The following FXYD5 variants were observed in gnomAD, a reference collection of about 807,000 sequenced individuals.
FXYD5 encodes FXYD domain containing ion transport regulator 5, also known as FXYD domain-containing ion transport regulator 5.
In FXYD5, 21 loss-of-function variants were observed where a neutral mutation model predicts 25.7. The observed-to-expected ratio is 0.82, with a 90% CI of 0.58 to 1.18. FXYD5 has a LOEUF of 1.18. Among genes scored for constraint, FXYD5 ranks in the 50% most tolerant of loss-of-function variants. The pLI, the probability that FXYD5 is intolerant of heterozygous loss-of-function variation, is 0.00. For synonymous variants in FXYD5, 101 were observed against 90.7 expected, an observed-to-expected ratio of 1.11 and a Z score of -0.64; for missense variants, 229 against 227.7, an observed-to-expected ratio of 1.01 and a Z score of -0.04.
intron 3 of FXYD5, 112 bp from the exon 4 acceptor site, chr19:35,158,231 AT>A: frequency 2.7e-6 from 2 of 738,846 alleles, no homozygotes; most frequent in South Asian, 2.9e-5. Context: ...AGCCATTTCT[AT>A]TACATTAAAG....
rs116751970 is a variant in FXYD5, at chr19:35,157,621, C to T, written c.142+120C>T. 8.1e-4 allele frequency: 497 copies of T among 611,746 alleles called. 1 individual carries two copies. In the African/African-American group the frequency reaches 8.4e-3, roughly 10 times the overall value. 37.9% of individuals were successfully genotyped at this position (611,746 alleles called of 1,614,324 possible). On this transcript the variant is annotated intron_variant, in intron 3 of 8. Transcript: ENST00000392219. Reference sequence around the variant, plus strand: ...TTTATGTAACGAAAAAGTCCAGGTACAGACCTTCAGGCATGGCTTGATCTA... The same window carrying T: ...TTTATGTAACGAAAAAGTCCAGGTATAGACCTTCAGGCATGGCTTGATCTA...
In FXYD5 at chr19:35,157,487, C is replaced by G. The variant is rs763008970; in HGVS notation, c.128C>G (p.Pro43Arg). Reference sequence around the variant, plus strand: ...TCAACTATCATGGACATTCAGGTCCCGACACGAGCCCCAGGTGAGGAAAGG... The same window carrying G: ...TCAACTATCATGGACATTCAGGTCCGGACACGAGCCCCAGGTGAGGAAAGG... ...ADSTIMDIQV[P>R]TRAPDAVYTE... The change falls in exon 3 of 9, where the codon CCG (proline) becomes CGG (arginine). Residue 43 changes from proline (P) to arginine (R), a missense_variant. Transcript: ENST00000392219. The G allele has an allele frequency of 6.5e-7, 1 of 1,545,184 alleles. No individual in the cohort carries two copies. The highest frequency in any genetic ancestry group is 8.9e-7 in the Non-Finnish European group (1 of 1,117,974).
At chr19:35,155,201 C>G in intron 1 of FXYD5, 1 of 361,274 alleles carries the variant, frequency 2.8e-6, no homozygotes, top group Non-Finnish European at 5.1e-6. Context: ...TGCCCCAGTC[C>G]CCTCCTTGCG....
chr19:35,168,546 C>G (rs901455661), intron 8 of FXYD5, among the ~76,000 whole-genome samples: 2 of 152,074 alleles, frequency 1.3e-5, no homozygotes, highest in Non-Finnish European at 2.9e-5. Context: ...GAGGAGAAGA[C>G]GAGGCCAGAG....
intron 4 of FXYD5, 22 bp downstream of exon 4, chr19:35,158,422 G>A (rs891800872): frequency 9.8e-6 from 14 of 1,423,986 alleles, no homozygotes; most frequent in Admixed American, 1.7e-5. Flanking sequence ...AGGGGCAGGC[G>A]GCGGGGACAG....
intron 5 of FXYD5, among the ~76,000 whole-genome samples, chr19:35,161,394 C>G (rs560535768): frequency 1.3e-5 from 2 of 152,320 alleles, no homozygotes; most frequent in African/African-American, 4.8e-5. Context: ...CTTCTCCCCT[C>G]TTGATGGCAG....
Position 35,169,565 on chromosome 19 carries a change from G to T in FXYD5, c.488-1G>T. ...GACTGAATCATTTCCTTCACCCACA[G>T]GTGGCAAGTGCAGGCAGCTGTCCCG... On this transcript the variant is annotated splice_acceptor_variant, in intron 8 of 8. Coordinates refer to ENST00000392219, the MANE Select transcript of FXYD5 (RefSeq NM_014164.6). LOFTEE classifies it high-confidence loss of function. The T allele has an allele frequency of 6.2e-7, 1 of 1,606,330 alleles. No homozygotes were observed.
chr19:35,159,846 C>G, intron 4 of FXYD5: 1 of 591,024 alleles, frequency 1.7e-6, no homozygotes, highest in Non-Finnish European at 2.8e-6. Context: ...GAATCTGGCA[C>G]CAGAGCCTGT....
intron 2 of FXYD5, 86 bp downstream of exon 2, chr19:35,155,697 GTGTGAACGT>G: frequency 1.1e-6 from 1 of 939,728 alleles, no homozygotes; most frequent in Non-Finnish European, 1.7e-6. Flanking sequence ...TGGTTGGCCC[GTGTGAACGT>G]TGTCCTGCCC....
In FXYD5 at chr19:35,155,760, A is replaced by G. The variant is rs546330311; in HGVS notation, c.61+149A>G. On this transcript the variant is annotated intron_variant, in intron 2 of 8. Coordinates refer to ENST00000392219, the MANE Select transcript of FXYD5 (RefSeq NM_014164.6). ...CCGGCACCAGGAAGTGGGGATCCCT[A>G]TGGCGGGGCGACGTTACACCCTCTT... 194 of 686,164 alleles carry G rather than the reference A, an allele frequency of 2.8e-4. No homozygotes were observed. In the African/African-American group the frequency reaches 3.2e-3, roughly 11 times the overall value. 42.5% of individuals were successfully genotyped at this position (686,164 alleles called of 1,614,324 possible).
chr19:35,160,316 C>T (rs1056095313), intron 4 of FXYD5, among the ~76,000 whole-genome samples: 1 of 152,180 alleles, frequency 6.6e-6, no homozygotes, highest in Non-Finnish European at 1.5e-5. Context: ...CCTACAGTGA[C>T]ACTTGGTATA....
Position 35,169,812 on chromosome 19 carries a change from G to A in FXYD5, c.*197G>A, listed in dbSNP as rs570020111. On this transcript the variant is annotated 3_prime_UTR_variant, in exon 9 of 9. Transcript: ENST00000392219. ...CCCTGCCCGCCCCTGAAGGCTACCTGGCGCCTTGGGGGCTGTCCCTCAAGT... is the reference window on the plus strand; with the variant it reads ...CCCTGCCCGCCCCTGAAGGCTACCTAGCGCCTTGGGGGCTGTCCCTCAAGT... 4 of 589,662 alleles carry A rather than the reference G, an allele frequency of 6.8e-6. No homozygotes were observed. Among genetic ancestry groups the A allele is most frequent in the East Asian group, 5.7e-5 (2 of 35,296 alleles). The allele number at this position is 589,662 out of a possible 1,614,324, so 36.5% of individuals were successfully genotyped here. A position where few individuals can be genotyped will look rare whatever the true frequency, so the allele number is the denominator to read the frequency against.
At chr19:35,157,612 G>C (rs1412340114) in intron 3 of FXYD5, 111 bp downstream of exon 3, 2 of 644,836 alleles carry the variant, frequency 3.1e-6, no homozygotes, top group Non-Finnish European at 5.7e-6. Flanking sequence ...TAACGAAAAA[G>C]TCCAGGTACA....
At chr19:35,164,757 GT>G (rs1293846162) in intron 6 of FXYD5, among the ~76,000 whole-genome samples, 1 of 152,168 alleles carries the variant, frequency 6.6e-6, no homozygotes, top group Non-Finnish European at 1.5e-5. Flanking sequence ...GAGTACTTGT[GT>G]GCTAGGCTAG....
intron 2 of FXYD5, among the ~76,000 whole-genome samples, chr19:35,156,479 G>T (rs1440524858): frequency 2.0e-5 from 3 of 152,194 alleles, no homozygotes; most frequent in Non-Finnish European, 4.4e-5. Context: ...ATACGTGCTT[G>T]CAGAAAAGTA....
At chr19:35,168,065 T>A (rs922131301) in intron 8 of FXYD5, among the ~76,000 whole-genome samples, 16 of 146,282 alleles carry the variant, frequency 1.1e-4, no homozygotes, top group Middle Eastern at 3.5e-3. Flanking sequence ...CACAAATAAT[T>A]TTTTTTACTT....
chr19:35,164,691 A>G (rs1373829590), intron 6 of FXYD5, among the ~76,000 whole-genome samples: 1 of 152,128 alleles, frequency 6.6e-6, no homozygotes, highest in Non-Finnish European at 1.5e-5. Context: ...TGGAAATGAT[A>G]CGCCCATGGG....
At chr19:35,155,019 C>A in intron 1 of FXYD5, 1 of 167,218 alleles carries the variant, frequency 6.0e-6, no homozygotes, top group Non-Finnish European at 1.3e-5. Flanking sequence ...CCCCCTCGGA[C>A]CAGTGCCTCT....
At chr19:35,163,967 A>C (rs749338210) in intron 5 of FXYD5, 189 bp from the exon 6 acceptor site, 1 of 1,469,716 alleles carries the variant, frequency 6.8e-7, no homozygotes, top group Non-Finnish European at 9.0e-7. Flanking sequence ...CTATGTGCTT[A>C]TTTCAGCATT....
Sources: gnomAD v4.1 joint callset for allele counts (sites outside exome capture counted in the v4.1 genomes callset) on GRCh38, gnomAD v4.1.1 for gene constraint, MANE v1.5 for transcripts, NCBI Gene and HGNC (gene_info 2026-07-23, HGNC 2026-07-21) for gene names.